BRD7: variants seen among roughly 807,000 people sequenced by gnomAD.
BRD7 encodes the protein bromodomain-containing protein 7.
Under a neutral mutation model 82.1 loss-of-function variants are expected in BRD7, and 15 were observed. The ratio of observed to expected loss-of-function variants is 0.18; its 90% CI spans 0.12 to 0.28. The LOEUF is 0.28. Ranked by LOEUF, BRD7 falls within the 10% of genes least tolerant of loss-of-function variation. BRD7 has a pLI of 1.00. For synonymous variants in BRD7, 232 were observed against 266.9 expected (o/e 0.87, Z 1.27); for missense variants, 638 against 779.9 (o/e 0.82, Z 2.17).
chr16:50,325,349 A>C (rs1015881219), intron 11 of BRD7, among the ~76,000 whole-genome samples: 3 of 152,206 alleles, frequency 2.0e-5, no homozygotes, highest in African/African-American at 7.2e-5. Flanking sequence ...GAGCCATCCT[A>C]TCCTGCCTCC....
At chr16:50,368,666 G>C in intron 1 of BRD7, 60 bp downstream of exon 1, 1 of 1,520,452 alleles carries the variant, frequency 6.6e-7, no homozygotes, top group Non-Finnish European at 8.8e-7. Flanking sequence ...CACTGGGAAA[G>C]AGCGGAAGCC....
At chr16:50,334,322 C>T (rs964202211) in intron 7 of BRD7, among the ~76,000 whole-genome samples, 2 of 152,228 alleles carry the variant, frequency 1.3e-5, no homozygotes, top group Non-Finnish European at 2.9e-5. Flanking sequence ...AGCCCATCTG[C>T]TTAAGACGCA....
At chr16:50,353,759 A>ATT (rs5816691) in intron 4 of BRD7, among the ~76,000 whole-genome samples, 3 of 132,840 alleles carry the variant, frequency 2.3e-5, no homozygotes, top group Non-Finnish European at 3.2e-5. Context: ...ATGCCTGGCA[A>ATT]TTTTTTTTTT....
intron 6 of BRD7, among the ~76,000 whole-genome samples, chr16:50,335,493 G>A (rs1005970433): frequency 1.1e-4 from 17 of 152,262 alleles, no homozygotes; most frequent in African/African-American, 3.6e-4. Context: ...TTAATTTTTC[G>A]CTGCAATGAT....
At chr16:50,354,673 G>GA in intron 3 of BRD7, 120 bp downstream of exon 3, 1 of 1,394,184 alleles carries the variant, frequency 7.2e-7, no homozygotes, top group South Asian at 1.4e-5. Context: ...CAGTTTGAGA[G>GA]AAAAAACTTA....
intron 6 of BRD7, among the ~76,000 whole-genome samples, chr16:50,337,189 A>G (rs113825329): frequency 2.0e-5 from 3 of 152,070 alleles, no homozygotes; most frequent in Non-Finnish European, 2.9e-5. Flanking sequence ...TGTTTGTACT[A>G]CAATGCAGCA....
intron 6 of BRD7, among the ~76,000 whole-genome samples, chr16:50,336,176 A>T (rs752589839): frequency 2.6e-5 from 4 of 152,208 alleles, no homozygotes; most frequent in Admixed American, 6.5e-5. Flanking sequence ...CCACGTCTAC[A>T]CCATGATTTA....
intron 10 of BRD7, 111 bp from the exon 11 acceptor site, chr16:50,325,994 G>A: frequency 8.8e-7 from 1 of 1,134,172 alleles, no homozygotes; most frequent in Non-Finnish European, 1.2e-6. Context: ...TCATTGGCTG[G>A]TTTGCAAATC....
intron 12 of BRD7, 90 bp from the exon 13 acceptor site, chr16:50,322,128 G>T (rs765601752): frequency 2.9e-6 from 3 of 1,044,288 alleles, no homozygotes; most frequent in Non-Finnish European, 4.3e-6. Context: ...TTCTTGGCAA[G>T]AGAAAATGAA....
At chr16:50,351,145 T>C (rs1422949997) in intron 4 of BRD7, among the ~76,000 whole-genome samples, 1 of 152,214 alleles carries the variant, frequency 6.6e-6, no homozygotes, top group Non-Finnish European at 1.5e-5. Flanking sequence ...ATTTACCATG[T>C]TGCTAGTCCC....
chr16:50,349,292 T>C (rs895955539), intron 5 of BRD7: 4 of 266,320 alleles, frequency 1.5e-5, no homozygotes, highest in African/African-American at 2.3e-5. Context: ...ATATACCTAA[T>C]GTAAATGATG....
At chr16:50,321,480 C>A (rs1332074573) in intron 13 of BRD7, among the ~76,000 whole-genome samples, 2 of 139,366 alleles carry the variant, frequency 1.4e-5, no homozygotes, top group Admixed American at 1.6e-4. Context: ...GGCAAGAGAA[C>A]TGCTTGAACC....
rs935757103 is a variant in BRD7, at chr16:50,318,101, TTTATACATTAAA to T, written c.*1098_*1109del. On this transcript the variant is annotated 3_prime_UTR_variant, in exon 17 of 17. Transcript: ENST00000394688. Reference sequence around the variant, plus strand: ...ATAAAGTACCAGTGTTTAGCTGCTTTTTATACATTAAATTAGCAATTTGAAAAACTCAAATAT... The same window carrying T: ...ATAAAGTACCAGTGTTTAGCTGCTTTTTAGCAATTTGAAAAACTCAAATAT... The T allele has an allele frequency of 1.3e-5, 2 of 152,326 alleles. No individual in the cohort carries two copies. The highest frequency in any genetic ancestry group is 4.8e-5 in the African/African-American group (2 of 41,464). The allele number at this position is 152,326 out of a possible 1,614,324, so 9.4% of individuals were successfully genotyped here.
At chr16:50,353,800 A>G (rs111467579) in intron 4 of BRD7, among the ~76,000 whole-genome samples, 12,922 of 145,476 alleles carry the variant, frequency 0.089, 725 homozygotes, top group Middle Eastern at 0.21. Context: ...GGGTTTCACC[A>G]TGTTAGCCAG....
At chr16:50,328,868 T>G in intron 8 of BRD7, 124 bp from the exon 9 acceptor site, 4 of 749,926 alleles carry the variant, frequency 5.3e-6, no homozygotes, top group Non-Finnish European at 8.8e-6. Flanking sequence ...TTTTGGAATA[T>G]TTACATATAC....
Position 50,328,422 on chromosome 16 carries a change from A to T in BRD7, c.1087+247T>A, listed in dbSNP as rs2037426783. 2.0e-5 allele frequency among the ~76,000 whole-genome samples: 3 copies of T among 152,250 alleles called. No individual in the cohort carries two copies. In the South Asian group the frequency reaches 6.2e-4, roughly 31 times the overall value. On this transcript the variant is annotated intron_variant, in intron 9 of 16. Coordinates refer to ENST00000394688, the MANE Select transcript of BRD7 (RefSeq NM_013263.5). ...ACTATCTAAAAGTTATGGCTTTGTT[A>T]ATGGCGGGTTTAAAATATTTCAGGG...
chr16:50,329,904 G>A lies in BRD7; in HGVS notation c.1012-1160C>T, dbSNP rs183729076. On this transcript the variant is annotated intron_variant, in intron 8 of 16. Coordinates refer to ENST00000394688, the MANE Select transcript of BRD7 (RefSeq NM_013263.5). ...CACATATGTCTACTGTTTTAACGCC[G>A]CTGTAATGGCTCTGTAAAATGTCTC... is the stretch of plus-strand genomic sequence containing the variant. 5.3e-5 allele frequency among the ~76,000 whole-genome samples: 8 copies of A among 152,268 alleles called. No individual in the cohort carries two copies. In the East Asian group the frequency reaches 9.6e-4, roughly 18 times the overall value.
chr16:50,341,177 TACACACACACACACACACACACACAC>T (rs57755008), intron 5 of BRD7, among the ~76,000 whole-genome samples: 2,092 of 137,252 alleles, frequency 0.015, 45 homozygotes, highest in African/African-American at 0.051. Context: ...AGACCTTAAG[TACACACACACACACACACACACACAC>T]ACACACACAC....
At chr16:50,332,210 C>T (rs995307591) in intron 8 of BRD7, among the ~76,000 whole-genome samples, 5 of 152,006 alleles carry the variant, frequency 3.3e-5, no homozygotes, top group African/African-American at 9.7e-5. Context: ...TCCCGCAGAA[C>T]GGGAGAAAAT....
Sources: gnomAD v4.1 joint callset for allele counts (sites outside exome capture counted in the v4.1 genomes callset) on GRCh38, gnomAD v4.1.1 for gene constraint, MANE v1.5 for transcripts, NCBI Gene and HGNC (gene_info 2026-07-23, HGNC 2026-07-21) for gene names.